LTBP2: variants seen among roughly 807,000 people sequenced by gnomAD.
LTBP2 encodes latent-transforming growth factor beta-binding protein 2.
LTBP2 carries 103 observed loss-of-function variants against 210.6 expected under a neutral mutation model. That is an observed-to-expected ratio of 0.49 (90% CI 0.42 to 0.58). The LOEUF (loss-of-function observed/expected upper bound fraction) is 0.58. Among genes scored for constraint, LTBP2 ranks in the 20% least tolerant of loss-of-function variants. The pLI is 0.00. For missense variants in LTBP2, 2,313 were observed against 2,494.5 expected (o/e 0.93, Z 1.55); for synonymous variants, 1,007 against 1,015.0 (o/e 0.99, Z 0.15).
In LTBP2 at chr14:74,528,628, C is replaced by T. The variant is rs759709617; in HGVS notation, c.2223G>A (p.Met741Ile). 8 of 1,613,478 alleles carry T rather than the reference C, an allele frequency of 5.0e-6. No homozygotes were observed. The highest frequency in any genetic ancestry group is 6.8e-6 in the Non-Finnish European group (8 of 1,180,050). ...CCAGTTCCTCCTCCTCGGCTTTCCT[C>T]ATGGACAGGCGGATGTCGGAGCTCG... ...TYASSDIRLS[M>I]RKAEEEELAR... Residue 741 changes from methionine (M) to isoleucine (I), a missense_variant, in exon 12 of 36, where the codon ATG (methionine) becomes ATA (isoleucine). Physicochemically the swap from Met to Ile is conservative, Grantham distance 10 (BLOSUM62 1). This residue lies in a region of LTBP2 where 1,867 missense variants were observed against 1,976.9 expected (regional missense o/e 0.94). Coordinates refer to ENST00000261978, the MANE Select transcript of LTBP2 (RefSeq NM_000428.3).
chr14:74,520,595 G>A (rs1346240886), intron 17 of LTBP2, among the ~76,000 whole-genome samples: 4 of 152,176 alleles, frequency 2.6e-5, no homozygotes, highest in Non-Finnish European at 4.4e-5. Context: ...AAGATCAGGA[G>A]TTCGAGACCA....
At chr14:74,505,400 C>A (rs112749881) in intron 28 of LTBP2, among the ~76,000 whole-genome samples, 2 of 152,172 alleles carry the variant, frequency 1.3e-5, no homozygotes, top group Non-Finnish European at 2.9e-5. Flanking sequence ...CACTGCTGTG[C>A]GATTAAGCTA....
chr14:74,504,620 C>T (rs1201697580), intron 30 of LTBP2, among the ~76,000 whole-genome samples, 158 bp downstream of exon 30: 1 of 152,228 alleles, frequency 6.6e-6, no homozygotes, highest in Non-Finnish European at 1.5e-5. Flanking sequence ...TCAGAACTTC[C>T]AGCTAACACT....
At position 74,500,663 on chromosome 14, in the gene LTBP2, A is replaced by C. The variant is rs975949301; in HGVS notation, c.*221T>G. 1.3e-5 allele frequency: 8 copies of C among 621,982 alleles called. No homozygotes were observed. The East Asian group carries it at 2.0e-4, about 15-fold the overall frequency. The allele number at this position is 621,982 out of a possible 1,614,324, so 38.5% of individuals were successfully genotyped here. ...GGACAGGGCCTCATGCGGTGGCTGA[A>C]GCATTAAAGCGATTGGTGGTGCTTG... On this transcript the variant is annotated 3_prime_UTR_variant, in exon 36 of 36. Transcript: ENST00000261978.
In LTBP2 at chr14:74,502,949, G is replaced by A. The variant is rs1306313667; in HGVS notation, c.4889-15C>T. On this transcript the variant is annotated splice_polypyrimidine_tract_variant and intron_variant, in intron 33 of 35. Coordinates refer to ENST00000261978, the MANE Select transcript of LTBP2 (RefSeq NM_000428.3). ...AGCATAGACCTCTGTCAGGGAGGAGGGAGAGAAGGAGCTGGGTTCTAGCTC... is the reference window on the plus strand; with the variant it reads ...AGCATAGACCTCTGTCAGGGAGGAGAGAGAGAAGGAGCTGGGTTCTAGCTC... 5 of 1,609,480 alleles carry A rather than the reference G, an allele frequency of 3.1e-6. No individual in the cohort carries two copies. The South Asian group carries it at 4.4e-5, about 14-fold the overall frequency.
chr14:74,502,594 A>T, intron 34 of LTBP2, 59 bp downstream of exon 34: 5 of 1,608,520 alleles, frequency 3.1e-6, no homozygotes, highest in Non-Finnish European at 4.3e-6. Context: ...CAGGTGGAGG[A>T]GATGGAAGTG....
Position 74,551,352 on chromosome 14 carries a change from T to G in LTBP2, c.1400-2A>C, listed in dbSNP as rs200017021. On this transcript the variant is annotated splice_acceptor_variant, in intron 6 of 35. Coordinates refer to ENST00000261978, the MANE Select transcript of LTBP2 (RefSeq NM_000428.3). LOFTEE classifies it high-confidence loss of function. ...TCACCAGGGAGGGGTTCACGGAGGC[T>G]GGGCACAGGGGCTAGAGTCAGAGCC... is the stretch of plus-strand genomic sequence containing the variant. 6.4e-7 allele frequency: 1 copy of G among 1,563,376 alleles called. No individual in the cohort carries two copies. The highest frequency in any genetic ancestry group is 8.7e-7 in the Non-Finnish European group (1 of 1,152,894).
At chr14:74,592,865 A>T (rs946849047) in intron 2 of LTBP2, among the ~76,000 whole-genome samples, 1 of 152,076 alleles carries the variant, frequency 6.6e-6, no homozygotes, top group Non-Finnish European at 1.5e-5. Flanking sequence ...GACAACCGGA[A>T]GACTACACTG....
In LTBP2 at chr14:74,554,971, G is replaced by C. The variant is rs553988771; in HGVS notation, c.1021+532C>G. Among the ~76,000 whole-genome samples the C allele has an allele frequency of 1.9e-3, 290 of 152,014 alleles. 4 individuals carry two copies. The highest frequency in any genetic ancestry group is 6.7e-3 in the African/African-American group (276 of 41,464). On this transcript the variant is annotated intron_variant, in intron 4 of 35. Transcript: ENST00000261978. ...GCTGATGGATGGGGCCTCGGGAAAG[G>C]AGGGGAGGGGAGGGGAGGCCTGGAG... is the stretch of plus-strand genomic sequence containing the variant.
chr14:74,564,671 C>T (rs549139165), intron 3 of LTBP2, among the ~76,000 whole-genome samples: 34 of 151,826 alleles, frequency 2.2e-4, no homozygotes, highest in Admixed American at 2.0e-3. Flanking sequence ...GTGTGAGCCA[C>T]CAGGCCCAGC....
intron 3 of LTBP2, among the ~76,000 whole-genome samples, chr14:74,579,877 T>C (rs1043922717): frequency 6.6e-6 from 1 of 152,168 alleles, no homozygotes; most frequent in African/African-American, 2.4e-5. Flanking sequence ...AAAATGGATG[T>C]AGACAGCCGA....
intron 3 of LTBP2, among the ~76,000 whole-genome samples, chr14:74,570,574 A>G (rs1457983803): frequency 6.6e-6 from 1 of 152,212 alleles, no homozygotes; most frequent in Non-Finnish European, 1.5e-5. Flanking sequence ...CCATTCAGCA[A>G]TCTAGCAGCC....
chr14:74,579,310 C>G (rs1022628280), intron 3 of LTBP2, among the ~76,000 whole-genome samples: 1 of 152,172 alleles, frequency 6.6e-6, no homozygotes. Flanking sequence ...TTTGATAGTT[C>G]CCTCCGTTCC....
chr14:74,513,101 G>A (rs1476861030), intron 18 of LTBP2, among the ~76,000 whole-genome samples: 2 of 152,242 alleles, frequency 1.3e-5, no homozygotes, highest in African/African-American at 2.4e-5. Context: ...CAGGGATCAG[G>A]CAACGTGGGA....
rs1202666160 is a variant in LTBP2, at chr14:74,611,506, TC to T, written c.438del (p.Thr147ProfsTer133). The T allele has an allele frequency of 5.9e-6, 9 of 1,524,518 alleles. No individual in the cohort carries two copies. Among genetic ancestry groups the T allele is most frequent in the South Asian group, 2.6e-5 (2 of 78,286 alleles). 94.4% of individuals were successfully genotyped at this position (1,524,518 alleles called of 1,614,324 possible). A position where few individuals can be genotyped will look rare whatever the true frequency, so the allele number is the denominator to read the frequency against. On this transcript the variant is annotated frameshift_variant, in exon 1 of 36. Coordinates refer to ENST00000261978, the MANE Select transcript of LTBP2 (RefSeq NM_000428.3). LOFTEE classifies it high-confidence loss of function. ...TRAAPALPRL[G>X]TPQRSGAAPP... ...GGCGCAGCCCCAGACCGCTGTGGGG[TC>T]CCCAGGCGTGGGAGAGCCGGCGCGG...
At position 74,528,612 on chromosome 14, in the gene LTBP2, C is replaced by T; in HGVS notation, c.2239G>A (p.Glu747Lys). Residue 747 changes from glutamate (E) to lysine (K), a missense_variant, in exon 12 of 36, where the codon GAG becomes AAG. Physicochemically the swap from Glu to Lys is moderately conservative, Grantham distance 56. This residue lies in a region of LTBP2 where 1,867 missense variants were observed against 1,976.9 expected (regional missense o/e 0.94). Transcript: ENST00000261978. ...IRLSMRKAEE[E>K]ELARPPREQG... The stretch of plus-strand genomic sequence containing the variant: ...TCCCTTGGGGGCCTTGCCAGTTCCT[C>T]CTCCTCGGCTTTCCTCATGGACAGG... The T allele has an allele frequency of 6.2e-7, 1 of 1,613,648 alleles. No individual in the cohort carries two copies. Among genetic ancestry groups the T allele is most frequent in the African/African-American group, 1.3e-5 (1 of 75,076 alleles).
chr14:74,565,879 C>A (rs1455015224), intron 3 of LTBP2, among the ~76,000 whole-genome samples: 1 of 152,164 alleles, frequency 6.6e-6, no homozygotes, highest in African/African-American at 2.4e-5. Flanking sequence ...ACAGAATGGT[C>A]TCAGTTCTAA....
intron 8 of LTBP2, among the ~76,000 whole-genome samples, chr14:74,541,485 G>T (rs1337438105): frequency 6.6e-6 from 1 of 152,142 alleles, no homozygotes; most frequent in Non-Finnish European, 1.5e-5. Context: ...AGCAAATTGA[G>T]GTTCATCCAT....
chr14:74,567,923 C>T (rs991510308), intron 3 of LTBP2, among the ~76,000 whole-genome samples: 1 of 152,110 alleles, frequency 6.6e-6, no homozygotes, highest in African/African-American at 2.4e-5. Flanking sequence ...TGTCAGCACA[C>T]GGTGAACCTG....
Sources: allele counts gnomAD v4.1 joint callset (sites outside exome capture counted in the v4.1 genomes callset), GRCh38; gene constraint gnomAD v4.1.1; regional missense constraint gnomAD v4.1.1; transcripts MANE v1.5; gene names NCBI Gene and HGNC (gene_info 2026-07-23, HGNC 2026-07-21).